The following STX18 variants were observed in gnomAD, a reference collection of about 807,000 sequenced individuals.
The protein encoded by STX18 is syntaxin-18.
STX18 carries 40 observed loss-of-function variants against 50.1 expected under a neutral mutation model. The ratio of observed to expected loss-of-function variants is 0.80; its 90% confidence interval spans 0.62 to 1.04. The LOEUF is 1.04. Among genes scored for constraint, STX18 ranks in the 50% least tolerant of loss-of-function variants. The pLI, the probability that STX18 is intolerant of heterozygous loss-of-function variation, is 0.00. For missense variants in STX18, 410 were observed against 415.8 expected, an observed-to-expected ratio of 0.99 and a Z score of 0.12; for synonymous variants, 158 against 151.8, an observed-to-expected ratio of 1.04 and a Z score of -0.30.
intron 1 of STX18, among the ~76,000 whole-genome samples, chr4:4,531,759 T>A (rs767828749): frequency 2.6e-5 from 4 of 152,232 alleles, no homozygotes; most frequent in Non-Finnish European, 5.9e-5. Flanking sequence ...GAACTGGTAA[T>A]AAGTCCTAAA....
In STX18 at chr4:4,482,599, G is replaced by A. The variant is rs529487949; in HGVS notation, c.169-10893C>T. On this transcript the variant is annotated intron_variant, in intron 1 of 10. Transcript: ENST00000306200. ...CTAAAGGAGCCAGCTCCATCTACCAGCTTCTGTTCCTGCACTTCCTGCAAC... is the reference window on the plus strand; with the variant it reads ...CTAAAGGAGCCAGCTCCATCTACCAACTTCTGTTCCTGCACTTCCTGCAAC... Among the ~76,000 whole-genome samples the A allele has an allele frequency of 4.7e-4, 71 of 152,324 alleles. 1 individual carries two copies. Among genetic ancestry groups the A allele is most frequent in the African/African-American group, 1.6e-3 (67 of 41,576 alleles).
chr4:4,470,243 T>C (rs1727844898), intron 2 of STX18, among the ~76,000 whole-genome samples: 1 of 152,150 alleles, frequency 6.6e-6, no homozygotes, highest in Non-Finnish European at 1.5e-5. Flanking sequence ...TAAGTCCCTG[T>C]TGTGGAGAGT....
chr4:4,489,780 G>A lies in STX18; in HGVS notation c.169-18074C>T, dbSNP rs1178524996. ...AACATAACATTTGCCGGAAAAAAAT[G>A]TGTGAAAACTACTAGAAAAATAATA... On this transcript the variant is annotated intron_variant, in intron 1 of 10. Transcript: ENST00000306200. Among the ~76,000 whole-genome samples the A allele has an allele frequency of 2.6e-5, 4 of 152,102 alleles. No homozygotes were observed. In the East Asian group the frequency reaches 7.7e-4, roughly 29 times the overall value.
intron 1 of STX18, among the ~76,000 whole-genome samples, chr4:4,480,291 CTG>C (rs1728393665): frequency 6.6e-6 from 1 of 152,168 alleles, no homozygotes; most frequent in South Asian, 2.1e-4. Context: ...TTGACTAAAA[CTG>C]TACATTACCT....
At chr4:4,534,260 C>T (rs1731232415) in intron 1 of STX18, among the ~76,000 whole-genome samples, 1 of 152,240 alleles carries the variant, frequency 6.6e-6, no homozygotes, top group Admixed American at 6.5e-5. Context: ...CTTAATAAAA[C>T]TCCAGTGTCC....
chr4:4,468,820 T>C (rs774649957), intron 2 of STX18, among the ~76,000 whole-genome samples: 3 of 152,148 alleles, frequency 2.0e-5, no homozygotes, highest in Non-Finnish European at 4.4e-5. Flanking sequence ...AAGAGACTTG[T>C]AGAAGATGCT....
chr4:4,434,923 G>T, intron 6 of STX18, 65 bp from the exon 7 acceptor site: 2 of 1,131,006 alleles, frequency 1.8e-6, no homozygotes, highest in Non-Finnish European at 1.3e-6. Context: ...GGCTTAGGAT[G>T]TAGTCATAAC....
intron 1 of STX18, among the ~76,000 whole-genome samples, chr4:4,495,173 A>C (rs1729111567): frequency 6.6e-6 from 1 of 152,158 alleles, no homozygotes; most frequent in African/African-American, 2.4e-5. Flanking sequence ...GTAAAATAGG[A>C]AAGATATAGT....
At chr4:4,422,844 G>A (rs1725039200) in intron 9 of STX18, among the ~76,000 whole-genome samples, 2 of 152,184 alleles carry the variant, frequency 1.3e-5, no homozygotes, top group South Asian at 2.1e-4. Flanking sequence ...AAGTCAAGTA[G>A]TCCAGTTTAA....
chr4:4,483,577 A>G (rs1185207602), intron 1 of STX18, among the ~76,000 whole-genome samples: 1 of 152,000 alleles, frequency 6.6e-6, no homozygotes, highest in African/African-American at 2.4e-5. Flanking sequence ...AGCTCTGTCC[A>G]CTCCCGGTTT....
intron 5 of STX18, among the ~76,000 whole-genome samples, chr4:4,441,865 C>T (rs73086224): frequency 0.069 from 10,459 of 152,156 alleles, 1,162 homozygotes; most frequent in African/African-American, 0.24. Context: ...GCACTGTTTG[C>T]AGTTTACTCT....
At chr4:4,448,405 G>A (rs189816103) in intron 5 of STX18, among the ~76,000 whole-genome samples, 1 of 151,712 alleles carries the variant, frequency 6.6e-6, no homozygotes, top group East Asian at 1.9e-4. Context: ...GCAGTGGCAC[G>A]ATCTCAACTC....
chr4:4,520,629 T>C (rs1316088204), intron 1 of STX18, among the ~76,000 whole-genome samples: 1 of 152,212 alleles, frequency 6.6e-6, no homozygotes, highest in East Asian at 1.9e-4. Flanking sequence ...TACATCGTTG[T>C]ACTTGTTCAG....
Position 4,420,561 on chromosome 4 carries a change from C to T in STX18, c.912+303G>A, listed in dbSNP as rs564080413. On this transcript the variant is annotated intron_variant, in intron 10 of 10. Coordinates refer to ENST00000306200, the MANE Select transcript of STX18 (RefSeq NM_016930.4). The surrounding 1 kb of genome is among the most constrained non-coding windows in gnomAD (Gnocchi z 4.3). Reference sequence around the variant, plus strand: ...GCTCTGACCCCTCGGTGGGGGCCAACGAGCTACCCATGTACATCCCTGGAC... The same window carrying T: ...GCTCTGACCCCTCGGTGGGGGCCAATGAGCTACCCATGTACATCCCTGGAC... 75 of 424,840 alleles carry T rather than the reference C, an allele frequency of 1.8e-4. No individual in the cohort carries two copies. The highest frequency in any genetic ancestry group is 2.7e-4 in the Non-Finnish European group (64 of 237,196). 26.3% of individuals were successfully genotyped at this position (424,840 alleles called of 1,614,324 possible).
At chr4:4,535,256 C>A (rs1731277257) in intron 1 of STX18, among the ~76,000 whole-genome samples, 4 of 152,100 alleles carry the variant, frequency 2.6e-5, no homozygotes, top group Admixed American at 2.6e-4. Context: ...CCTGACACAC[C>A]AGATGTTCAG....
chr4:4,474,430 C>G (rs556811652), intron 1 of STX18, among the ~76,000 whole-genome samples: 78 of 152,200 alleles, frequency 5.1e-4, no homozygotes, highest in Non-Finnish European at 1.1e-3. Context: ...TACCTGCTAC[C>G]GTAGGCAGAA....
At chr4:4,510,329 A>C (rs2108891216) in intron 1 of STX18, among the ~76,000 whole-genome samples, 1 of 152,362 alleles carries the variant, frequency 6.6e-6, no homozygotes, top group South Asian at 2.1e-4. Context: ...TTAAGAAAAA[A>C]AGATTGTGTG....
chr4:4,489,850 A>G (rs1728867354), intron 1 of STX18, among the ~76,000 whole-genome samples: 1 of 152,198 alleles, frequency 6.6e-6, no homozygotes, highest in Admixed American at 6.5e-5. Flanking sequence ...TTTGAGACTC[A>G]AATTATATCT....
At chr4:4,439,162 CAT>C (rs1725958148) in intron 5 of STX18, among the ~76,000 whole-genome samples, 1 of 111,606 alleles carries the variant, frequency 9.0e-6, no homozygotes, top group South Asian at 3.2e-4. Context: ...ACCCCCCACA[CAT>C]ATATAACCCC....
Sources: gnomAD v4.1 joint callset for allele counts (sites outside exome capture counted in the v4.1 genomes callset) on GRCh38, gnomAD v4.1.1 for gene constraint, Gnocchi (gnomAD v3.1) non-coding constraint, MANE v1.5 for transcripts, NCBI Gene and HGNC (gene_info 2026-07-23, HGNC 2026-07-21) for gene names.